The following SHC2 variants were observed in gnomAD, a reference collection of about 807,000 sequenced individuals.
The protein encoded by SHC2 is SHC adaptor protein 2, also known as SHC-transforming protein 2.
In SHC2, 62 loss-of-function variants were observed where a neutral mutation model predicts 60.6. That is an observed-to-expected ratio of 1.02 (90% CI 0.83 to 1.26). The LOEUF (loss-of-function observed/expected upper bound fraction) is 1.26. SHC2 is among the 50% of genes most tolerant of loss of function. The pLI is 0.00. For missense variants in SHC2, 873 were observed against 822.2 expected (o/e 1.06, Z -0.76); for synonymous variants, 375 against 372.4 (o/e 1.01, Z -0.08).
chr19:430,194 C>T (rs1188806658), intron 9 of SHC2, among the ~76,000 whole-genome samples: 3 of 145,706 alleles, frequency 2.1e-5, no homozygotes, highest in Admixed American at 6.9e-5. Flanking sequence ...CCCCAACGTG[C>T]ACAGAAACCT....
Position 434,816 on chromosome 19 carries a change from C to T in SHC2, c.1003G>A (p.Glu335Lys), listed in dbSNP as rs769932608. 6.2e-7 allele frequency: 1 copy of T among 1,612,826 alleles called. No individual in the cohort carries two copies. Among genetic ancestry groups the T allele is most frequent in the Non-Finnish European group, 8.5e-7 (1 of 1,179,800 alleles). ...SAWGDEEDSLEHNYYNSIPGK... is the reference protein window; with the variant it reads ...SAWGDEEDSLKHNYYNSIPGK... Reference sequence around the variant, plus strand: ...GGGATGCTGTTGTAGTAATTGTGCTCCAAAGAGTCCTCCTCGTCCCCCCAG... The same window carrying T: ...GGGATGCTGTTGTAGTAATTGTGCTTCAAAGAGTCCTCCTCGTCCCCCCAG... The change falls in exon 8 of 13, where the codon GAG (glutamate) becomes AAG (lysine). Residue 335 changes from glutamate to lysine, a missense_variant. Transcript: ENST00000264554.
intron 1 of SHC2, among the ~76,000 whole-genome samples, chr19:454,127 G>A (rs1975272600): frequency 6.6e-6 from 1 of 152,220 alleles, no homozygotes; most frequent in Non-Finnish European, 1.5e-5. Context: ...CACGGCAGCT[G>A]CTTGCTGCCT....
At chr19:450,484 C>T (rs1568296634) in intron 1 of SHC2, among the ~76,000 whole-genome samples, 1 of 151,406 alleles carries the variant, frequency 6.6e-6, no homozygotes, top group Admixed American at 6.5e-5. Flanking sequence ...TCAAACTGAC[C>T]CCACAAAACA....
chr19:425,246 G>C lies in SHC2; in HGVS notation c.1175-15C>G, dbSNP rs149933031. On this transcript the variant is annotated splice_polypyrimidine_tract_variant and intron_variant, in intron 9 of 12. Coordinates refer to ENST00000264554, the MANE Select transcript of SHC2 (RefSeq NM_012435.3). This position sits in a 1 kb window ranked among gnomAD's most constrained non-coding sequence, Gnocchi z 4.1. ...CCCCGGTGGAGCTGGGGAGTGTAAAGAGGGGCAGGGGGTCAGCTGGGAGCC... is the reference window on the plus strand; with the variant it reads ...CCCCGGTGGAGCTGGGGAGTGTAAACAGGGGCAGGGGGTCAGCTGGGAGCC... 10 of 1,319,018 alleles carry C rather than the reference G, an allele frequency of 7.6e-6. No individual in the cohort carries two copies. Among genetic ancestry groups the C allele is most frequent in the South Asian group, 2.8e-5 (1 of 35,484 alleles). 81.7% of individuals were successfully genotyped at this position (1,319,018 alleles called of 1,614,324 possible).
intron 9 of SHC2, among the ~76,000 whole-genome samples, chr19:429,381 T>C (rs1974506221): frequency 6.8e-6 from 1 of 148,132 alleles, no homozygotes; most frequent in African/African-American, 2.5e-5. Context: ...ACCGTGTGGA[T>C]GACGCAGTAC....
In SHC2 at chr19:446,279, TTGTG is replaced by T. The variant is rs763314115; in HGVS notation, c.469-5351_469-5348del. ...GAACTGTGACAGAACAAGTCTATGT[TTGTG>T]TGTGTGTGTGTTTTGTTTTGTTTTT... is the stretch of plus-strand genomic sequence containing the variant. On this transcript the variant is annotated intron_variant, in intron 1 of 12. Transcript: ENST00000264554. The surrounding 1 kb of genome is among the most constrained non-coding windows in gnomAD (Gnocchi z 5.4). Among the ~76,000 whole-genome samples the T allele has an allele frequency of 6.6e-6, 1 of 151,690 alleles. No individual in the cohort carries two copies. The highest frequency in any genetic ancestry group is 1.5e-5 in the Non-Finnish European group (1 of 67,882).
rs1975245753 is a variant in SHC2 at position 453,251 on chromosome 19, T to C, written c.468+7278A>G. The C allele has an allele frequency of 6.6e-6, 1 of 152,002 alleles. No homozygotes were observed. Among genetic ancestry groups the C allele is most frequent in the Admixed American group, 6.6e-5 (1 of 15,266 alleles). 9.4% of individuals were successfully genotyped at this position (152,002 alleles called of 1,614,324 possible). A position where few individuals can be genotyped will look rare whatever the true frequency, so the allele number is the denominator to read the frequency against. ...GGACAGAAAGAACCCAGATATGGGTTCTTTGTTCTCAGAAACAAAACCTGA... is the reference window on the plus strand; with the variant it reads ...GGACAGAAAGAACCCAGATATGGGTCCTTTGTTCTCAGAAACAAAACCTGA... On this transcript the variant is annotated intron_variant, in intron 1 of 12. Coordinates refer to ENST00000264554, the MANE Select transcript of SHC2 (RefSeq NM_012435.3). The surrounding 1 kb of genome is among the most constrained non-coding windows in gnomAD (Gnocchi z 6.3).
In SHC2 at chr19:434,845, G is replaced by A. The variant is rs374025306; in HGVS notation, c.974C>T (p.Ser325Leu). 5.5e-5 allele frequency: 88 copies of A among 1,611,190 alleles called. No homozygotes were observed. The East Asian group carries it at 7.4e-4, about 13-fold the overall frequency. Residue 325 changes from serine (S) to leucine (L), a missense_variant, in exon 8 of 13, where the codon TCG (serine) becomes TTG (leucine). Transcript: ENST00000264554. ...AGAGTCCTCCTCGTCCCCCCAGGCC[G>A]ACTCCTCCGGCCCTGCCAGCCTGGG... Reference protein sequence around the residue: ...PPERLAGPEESAWGDEEDSLE... With the variant: ...PPERLAGPEELAWGDEEDSLE...
Position 446,404 on chromosome 19 carries a change from G to A in SHC2, c.469-5472C>T, listed in dbSNP as rs964502762. ...CGACTCACTGCAACTTCCGCCTCCC[G>A]GGTTCACACCATTCTCCTGTCTCAG... On this transcript the variant is annotated intron_variant, in intron 1 of 12. Coordinates refer to ENST00000264554, the MANE Select transcript of SHC2 (RefSeq NM_012435.3). The surrounding 1 kb of genome is among the most constrained non-coding windows in gnomAD (Gnocchi z 5.4). Among the ~76,000 whole-genome samples the A allele has an allele frequency of 6.6e-6, 1 of 152,052 alleles. No homozygotes were observed. Among genetic ancestry groups the A allele is most frequent in the African/African-American group, 2.4e-5 (1 of 41,384 alleles).
intron 9 of SHC2, among the ~76,000 whole-genome samples, chr19:429,623 G>C (rs957050520): frequency 7.6e-5 from 9 of 118,302 alleles, no homozygotes; most frequent in African/African-American, 3.0e-4. Flanking sequence ...AATACCGTGT[G>C]GATGACACAG....
At chr19:455,499 C>T (rs1280048138) in intron 1 of SHC2, among the ~76,000 whole-genome samples, 2 of 152,258 alleles carry the variant, frequency 1.3e-5, no homozygotes, top group Non-Finnish European at 2.9e-5. Context: ...GGCGCTCGGA[C>T]GCGGGGCCCA....
rs1975040494 is a variant in SHC2, at chr19:445,925, C to A, written c.469-4993G>T. Among the ~76,000 whole-genome samples, 1 of 151,630 alleles carries A rather than the reference C, an allele frequency of 6.6e-6. No individual in the cohort carries two copies. Among genetic ancestry groups the A allele is most frequent in the African/African-American group, 2.4e-5 (1 of 41,262 alleles). On this transcript the variant is annotated intron_variant, in intron 1 of 12. Transcript: ENST00000264554. The surrounding 1 kb of genome is among the most constrained non-coding windows in gnomAD (Gnocchi z 4.4). ...AAAAATTAGCTGGGCGTGGTGGTTG[C>A]ATGCCTGTAATCCCAGCTACTTGGG...
At chr19:458,814 G>A (rs1443196895) in intron 1 of SHC2, among the ~76,000 whole-genome samples, 9 of 149,638 alleles carry the variant, frequency 6.0e-5, no homozygotes, top group East Asian at 2.0e-4. Flanking sequence ...AGGCGGAAGC[G>A]GGTCTTGGGG....
intron 1 of SHC2, among the ~76,000 whole-genome samples, chr19:451,719 T>A (rs1022113665): frequency 8.5e-5 from 13 of 152,142 alleles, no homozygotes; most frequent in Admixed American, 8.5e-4. Flanking sequence ...TGCCTCAGCC[T>A]CCCGAGTAGC....
intron 9 of SHC2, among the ~76,000 whole-genome samples, chr19:430,191 G>T (rs1305036916): frequency 1.6e-5 from 2 of 128,798 alleles, no homozygotes; most frequent in Non-Finnish European, 3.2e-5. Flanking sequence ...ATACCCCAAC[G>T]TGCACAGAAA....
At chr19:449,352 C>T (rs1975122103) in intron 1 of SHC2, among the ~76,000 whole-genome samples, 1 of 150,032 alleles carries the variant, frequency 6.7e-6, no homozygotes, top group Non-Finnish European at 1.5e-5. Context: ...AGAGCGAGAT[C>T]CTGTCTCAAA....
Position 449,483 on chromosome 19 carries a change from T to C in SHC2, c.469-8551A>G, listed in dbSNP as rs151218068. 6.5e-4 allele frequency among the ~76,000 whole-genome samples: 99 copies of C among 152,316 alleles called. No homozygotes were observed. In the East Asian group the frequency reaches 0.013, roughly 20 times the overall value. On this transcript the variant is annotated intron_variant, in intron 1 of 12. Transcript: ENST00000264554. ...CGCACTGAAAATGTGATCGCAGGAT[T>C]GTAACGGTACATTTCCTGACTTTGT...
chr19:452,595 G>A (rs4919817), intron 1 of SHC2, among the ~76,000 whole-genome samples: 25,869 of 149,716 alleles, frequency 0.17, 2,414 homozygotes, highest in Non-Finnish European at 0.23. Context: ...GCGTTTCTCC[G>A]TTTCACTGCG....
intron 2 of SHC2, among the ~76,000 whole-genome samples, chr19:439,710 A>G (rs369133266): frequency 6.6e-6 from 1 of 152,064 alleles, no homozygotes; most frequent in East Asian, 1.9e-4. Context: ...CCTGCCTGTC[A>G]TCCTAGCACT....
Sources: allele counts gnomAD v4.1 joint callset (sites outside exome capture counted in the v4.1 genomes callset), GRCh38; gene constraint gnomAD v4.1.1; non-coding constraint Gnocchi (gnomAD v3.1); transcripts MANE v1.5; gene names NCBI Gene and HGNC (gene_info 2026-07-23, HGNC 2026-07-21).